CADM2: variants seen among roughly 807,000 people sequenced by gnomAD.
CADM2 encodes the protein immunoglobulin superfamily member 4D.
A neutral mutation model predicts 49.8 loss-of-function variants in CADM2; 12 were observed. The observed-to-expected ratio is 0.24, with a 90% confidence interval of 0.15 to 0.39. The LOEUF (loss-of-function observed/expected upper bound fraction) is 0.39, where lower values mean the gene tolerates loss of function less well. Ranked by LOEUF, CADM2 falls within the 10% of genes least tolerant of loss-of-function variation. CADM2 has a pLI of 1.00. For missense variants in CADM2, 378 were observed against 492.3 expected, an observed-to-expected ratio of 0.77 and a Z score of 2.20; for synonymous variants, 214 against 175.4, an observed-to-expected ratio of 1.22 and a Z score of -1.74.
chr3:85,899,809 A>G (rs1419451193), intron 5 of CADM2, among the ~76,000 whole-genome samples: 1 of 152,176 alleles, frequency 6.6e-6, no homozygotes, highest in African/African-American at 2.4e-5. Flanking sequence ...CTGTTTGAAC[A>G]TCATATGCAA....
At chr3:84,995,165 G>A (rs1037781786) in intron 1 of CADM2, among the ~76,000 whole-genome samples, 1 of 152,114 alleles carries the variant, frequency 6.6e-6, no homozygotes, top group Non-Finnish European at 1.5e-5. Context: ...TAAAACATTT[G>A]AGGCAGCATG....
intron 3 of CADM2, among the ~76,000 whole-genome samples, chr3:85,844,008 C>T (rs1336735677): frequency 6.6e-6 from 1 of 152,024 alleles, no homozygotes; most frequent in Non-Finnish European, 1.5e-5. Context: ...CCAGGCTTTA[C>T]GGATCGGTCC....
At chr3:85,972,456 G>A (rs940761537) in intron 8 of CADM2, among the ~76,000 whole-genome samples, 2 of 151,624 alleles carry the variant, frequency 1.3e-5, no homozygotes, top group Non-Finnish European at 2.9e-5. Flanking sequence ...ACCACCCCTG[G>A]GGGAGGACAT....
At chr3:85,579,448 C>G (rs1316375930) in intron 1 of CADM2, among the ~76,000 whole-genome samples, 1 of 152,138 alleles carries the variant, frequency 6.6e-6, no homozygotes, top group Non-Finnish European at 1.5e-5. Context: ...TTGTGACCAG[C>G]AATTTCAACA....
At chr3:85,845,155 C>CAAAA (rs71112121) in intron 3 of CADM2, among the ~76,000 whole-genome samples, 3 of 88,030 alleles carry the variant, frequency 3.4e-5, no homozygotes, top group Admixed American at 1.2e-4. Context: ...GACTTAGTCA[C>CAAAA]AAAAAAAAAA....
chr3:85,031,620 C>T lies in CADM2; in HGVS notation c.61+71952C>T, dbSNP rs182586910. 2.9e-3 allele frequency among the ~76,000 whole-genome samples: 440 copies of T among 152,098 alleles called. 2 individuals are homozygous for T. The highest frequency in any genetic ancestry group is 0.011 in the South Asian group (53 of 4,820). ...AGCTCCGCCTCCCGGGTTCACGCCA[C>T]TCTCCTGCCTCAGCCTCCCGAGTAG... On this transcript the variant is annotated intron_variant, in intron 1 of 9. Coordinates refer to ENST00000383699, the MANE Select transcript of CADM2 (RefSeq NM_001167675.2).
intron 5 of CADM2, among the ~76,000 whole-genome samples, chr3:85,889,548 T>A (rs565858985): frequency 5.9e-5 from 9 of 152,188 alleles, no homozygotes; most frequent in African/African-American, 2.2e-4. Flanking sequence ...CAGTAAACTA[T>A]ACAGAAGTCC....
chr3:85,378,690 TG>T (rs1249441530), intron 1 of CADM2, among the ~76,000 whole-genome samples: 1 of 151,942 alleles, frequency 6.6e-6, no homozygotes, highest in Non-Finnish European at 1.5e-5. Flanking sequence ...ACTTTCATTC[TG>T]TTCTAAAAGA....
chr3:85,719,736 G>T (rs887921983), intron 1 of CADM2, among the ~76,000 whole-genome samples: 1 of 151,378 alleles, frequency 6.6e-6, no homozygotes. Context: ...GACTCATGCA[G>T]TTCAAATCTG....
At chr3:86,026,978 A>G (rs192578899) in intron 8 of CADM2, among the ~76,000 whole-genome samples, 405 of 152,302 alleles carry the variant, frequency 2.7e-3, no homozygotes, top group Non-Finnish European at 4.8e-3. Context: ...AAAGGAGAAA[A>G]TGGACTTTGA....
At chr3:85,507,182 ATTTTTTT>A (rs71108295) in intron 1 of CADM2, among the ~76,000 whole-genome samples, 1 of 127,270 alleles carries the variant, frequency 7.9e-6, no homozygotes, top group Non-Finnish European at 1.7e-5. Context: ...CACCCAGTGT[ATTTTTTT>A]TTTTTTTTTT....
intron 2 of CADM2, among the ~76,000 whole-genome samples, chr3:85,781,695 C>A (rs1207732230): frequency 6.6e-6 from 1 of 152,146 alleles, no homozygotes; most frequent in Non-Finnish European, 1.5e-5. Context: ...GCACAGCTTG[C>A]AAATAATACT....
At chr3:85,874,384 T>A (rs1339579284) in intron 3 of CADM2, among the ~76,000 whole-genome samples, 6 of 152,194 alleles carry the variant, frequency 3.9e-5, no homozygotes, top group African/African-American at 1.4e-4. Context: ...TTTCTCTATC[T>A]AATGAAGGCA....
At chr3:85,281,835 G>A (rs550946477) in intron 1 of CADM2, among the ~76,000 whole-genome samples, 188 of 152,042 alleles carry the variant, frequency 1.2e-3, no homozygotes, top group Admixed American at 4.6e-3. Context: ...AGGTCAAGGC[G>A]GTATGCAAAG....
At chr3:85,864,502 T>C (rs567895321) in intron 3 of CADM2, among the ~76,000 whole-genome samples, 1 of 152,304 alleles carries the variant, frequency 6.6e-6, no homozygotes, top group Non-Finnish European at 1.5e-5. Context: ...GATTTACTCT[T>C]ATCTATATGT....
intron 1 of CADM2, among the ~76,000 whole-genome samples, chr3:85,229,764 C>A (rs972735275): frequency 1.3e-5 from 2 of 152,184 alleles, no homozygotes; most frequent in African/African-American, 2.4e-5. Context: ...GTAAGATTGT[C>A]ATGGCCTCAG....
At chr3:85,332,805 A>G (rs2044965760) in intron 1 of CADM2, among the ~76,000 whole-genome samples, 1 of 151,752 alleles carries the variant, frequency 6.6e-6, no homozygotes, top group Admixed American at 6.6e-5. Context: ...TTGCAAGTAG[A>G]TTGAAGATTT....
intron 1 of CADM2, among the ~76,000 whole-genome samples, chr3:85,105,291 GA>G (rs569116914): frequency 7.7e-4 from 117 of 152,284 alleles, no homozygotes; most frequent in South Asian, 6.6e-3. Flanking sequence ...CAAAGGACAT[GA>G]ACAGACACTT....
At chr3:85,990,014 A>AAG (rs1728579297) in intron 8 of CADM2, among the ~76,000 whole-genome samples, 1 of 78,062 alleles carries the variant, frequency 1.3e-5, no homozygotes, top group Non-Finnish European at 2.3e-5. Flanking sequence ...CTCCATGTCC[A>AAG]AAAAAAAAAA....
Sources: gnomAD v4.1 joint callset for allele counts (sites outside exome capture counted in the v4.1 genomes callset) on GRCh38, gnomAD v4.1.1 for gene constraint, MANE v1.5 for transcripts, NCBI Gene and HGNC (gene_info 2026-07-23, HGNC 2026-07-21) for gene names.